The following HTR2C variants were observed in gnomAD, a reference collection of about 807,000 sequenced individuals.
HTR2C encodes 5-hydroxytryptamine (serotonin) receptor 2C, G protein-coupled.
Under a neutral mutation model 21.0 loss-of-function variants are expected in HTR2C, and 5 were observed. The observed-to-expected ratio is 0.24, with a 90% confidence interval of 0.12 to 0.50. The LOEUF (loss-of-function observed/expected upper bound fraction) is 0.50. Among genes scored for constraint, HTR2C ranks in the 20% least tolerant of loss-of-function variants. HTR2C has a pLI of 0.98. For missense variants in HTR2C, 271 were observed against 371.2 expected, an observed-to-expected ratio of 0.73 and a Z score of 2.22; for synonymous variants, 150 against 145.3, an observed-to-expected ratio of 1.03 and a Z score of -0.23.
At chrX:114,687,142 A>G (rs1455794288) in intron 2 of HTR2C, among the ~76,000 whole-genome samples, 4 of 112,089 alleles carry the variant, frequency 3.6e-5, no homozygotes, top group African/African-American at 1.3e-4. Flanking sequence ...TTTTCTTCCA[A>G]TAAGGCTTTA....
Position 114,657,964 on chromosome X carries a change from T to TA in HTR2C, c.-80+44090dup, listed in dbSNP as rs781792432. On this transcript the variant is annotated intron_variant, in intron 2 of 5. Transcript: ENST00000276198. ...TCATGAAGACCTAATCTATCTAGAA[T>TA]AAAAAAACAAGATGCCCAGGCTTAA... 9.9e-5 allele frequency among the ~76,000 whole-genome samples: 11 copies of TA among 111,206 alleles called. No homozygotes were observed. The East Asian group carries it at 2.3e-3, about 23-fold the overall frequency.
At chrX:114,594,661 A>G (rs188225525) in intron 1 of HTR2C, among the ~76,000 whole-genome samples, 2 of 111,924 alleles carry the variant, frequency 1.8e-5, no homozygotes, top group African/African-American at 6.5e-5. Context: ...GGCTTCAGAA[A>G]GAGAGATTAC....
At chrX:114,609,125 A>G (rs970055502) in intron 1 of HTR2C, among the ~76,000 whole-genome samples, 2 of 111,639 alleles carry the variant, frequency 1.8e-5, no homozygotes, top group African/African-American at 6.5e-5. Context: ...TTTGGTTGGT[A>G]TGTATTTTGG....
chrX:114,670,131 G>A (rs144881797), intron 2 of HTR2C, among the ~76,000 whole-genome samples: 1,266 of 111,056 alleles, frequency 0.011, 15 homozygotes, highest in African/African-American at 0.04. Flanking sequence ...AGTGGCTCAC[G>A]CCTGTAATCC....
chrX:114,900,469 AGC>A, intron 5 of HTR2C: 2 of 157,541 alleles, frequency 1.3e-5, no homozygotes, highest in East Asian at 4.2e-4. Context: ...TATCATAAAG[AGC>A]AAAATGACTC....
At chrX:114,796,838 G>A (rs2147421009) in intron 4 of HTR2C, among the ~76,000 whole-genome samples, 1 of 111,196 alleles carries the variant, frequency 9.0e-6, no homozygotes, top group Non-Finnish European at 1.9e-5. Flanking sequence ...TGTTATCTGA[G>A]GATAGAATGC....
intron 5 of HTR2C, among the ~76,000 whole-genome samples, chrX:114,876,901 A>G (rs369159684): frequency 5.1e-4 from 56 of 110,601 alleles, no homozygotes; most frequent in Middle Eastern, 9.3e-3. Flanking sequence ...TTGGCCTGCA[A>G]TTTTCTTCTT....
intron 4 of HTR2C, among the ~76,000 whole-genome samples, chrX:114,788,795 TATGCCACC>T (rs1335622926): frequency 8.2e-5 from 9 of 109,990 alleles, no homozygotes; most frequent in Admixed American, 7.8e-4. Context: ...ACTACAGGCA[TATGCCACC>T]ATGCCGAGCT....
intron 2 of HTR2C, among the ~76,000 whole-genome samples, chrX:114,653,121 C>T (rs1930648741): frequency 9.2e-6 from 1 of 108,609 alleles, no homozygotes; most frequent in African/African-American, 3.3e-5. Flanking sequence ...CTGCAAGCCT[C>T]TTTGTCACTT....
chrX:114,692,151 A>C (rs1220333526), intron 2 of HTR2C, among the ~76,000 whole-genome samples: 1 of 111,752 alleles, frequency 8.9e-6, no homozygotes, highest in Non-Finnish European at 1.9e-5. Flanking sequence ...GTGATGTTTC[A>C]GGTTATATGT....
chrX:114,648,446 G>C (rs1033695446), intron 2 of HTR2C, among the ~76,000 whole-genome samples: 1 of 111,456 alleles, frequency 9.0e-6, no homozygotes, highest in Admixed American at 9.5e-5. Flanking sequence ...AGTTATACAG[G>C]TCCAGGCACC....
intron 4 of HTR2C, among the ~76,000 whole-genome samples, chrX:114,821,271 A>G (rs1248973262): frequency 2.7e-5 from 3 of 111,189 alleles, no homozygotes; most frequent in Non-Finnish European, 5.7e-5. Flanking sequence ...AAGGTGATCT[A>G]ACTAAAAGCT....
At chrX:114,854,858 C>T (rs1411022267) in intron 5 of HTR2C, among the ~76,000 whole-genome samples, 2 of 111,762 alleles carry the variant, frequency 1.8e-5, no homozygotes, top group Non-Finnish European at 3.8e-5. Context: ...CTATAAGGAA[C>T]TCAAACAACT....
chrX:114,898,584 AG>A (rs1173942585), intron 5 of HTR2C, among the ~76,000 whole-genome samples: 18 of 112,022 alleles, frequency 1.6e-4, no homozygotes, highest in Non-Finnish European at 2.8e-4. Flanking sequence ...GGTATAAGAA[AG>A]GGGTCCAGTT....
chrX:114,836,309 C>T (rs1419362948), intron 4 of HTR2C, among the ~76,000 whole-genome samples: 11 of 111,495 alleles, frequency 9.9e-5, no homozygotes, highest in Non-Finnish European at 1.5e-4. Flanking sequence ...CCCAGCCTCG[C>T]TGCCGCCTTG....
intron 5 of HTR2C, among the ~76,000 whole-genome samples, chrX:114,868,049 G>A (rs781854910): frequency 2.7e-4 from 30 of 110,241 alleles, no homozygotes; most frequent in African/African-American, 7.2e-4. Flanking sequence ...GAAGAATGTC[G>A]TTGGTATTTT....
At chrX:114,616,083 ATATT>A (rs1444772825) in intron 2 of HTR2C, among the ~76,000 whole-genome samples, 3 of 111,241 alleles carry the variant, frequency 2.7e-5, no homozygotes, top group African/African-American at 9.8e-5. Flanking sequence ...TATGTACAAT[ATATT>A]TATTATAGAA....
intron 2 of HTR2C, among the ~76,000 whole-genome samples, chrX:114,724,389 T>C (rs1933359344): frequency 9.7e-6 from 1 of 103,050 alleles, no homozygotes; most frequent in Non-Finnish European, 2.0e-5. Flanking sequence ...TCCATCCTTT[T>C]ATTTTGAGCC....
At chrX:114,856,687 TAAG>T (rs2070965204) in intron 5 of HTR2C, among the ~76,000 whole-genome samples, 1 of 111,505 alleles carries the variant, frequency 9.0e-6, no homozygotes, top group African/African-American at 3.2e-5. Context: ...CATAGGTTGT[TAAG>T]AAGATGTGTA....
Sources: gnomAD v4.1 joint callset for allele counts (sites outside exome capture counted in the v4.1 genomes callset) on GRCh38, gnomAD v4.1.1 for gene constraint, MANE v1.5 for transcripts, NCBI Gene and HGNC (gene_info 2026-07-23, HGNC 2026-07-21) for gene names.